The following TSPAN15 variants were observed in gnomAD, a reference collection of about 807,000 sequenced individuals.
The protein encoded by TSPAN15 is tetraspanin-15.
Under a neutral mutation model 34.5 loss-of-function variants are expected in TSPAN15, and 20 were observed. The observed-to-expected ratio is 0.58, with a 90% CI of 0.41 to 0.84. The LOEUF (loss-of-function observed/expected upper bound fraction) is 0.84, where lower values mean the gene tolerates loss of function less well. TSPAN15 is among the 40% of genes least tolerant of loss of function. TSPAN15 has a pLI of 0.00. For synonymous variants in TSPAN15, 155 were observed against 153.9 expected (o/e 1.01, Z -0.05); for missense variants, 313 against 386.1 (o/e 0.81, Z 1.59).
chr10:69,461,337 A>G (rs1841251760), intron 1 of TSPAN15, among the ~76,000 whole-genome samples: 1 of 152,170 alleles, frequency 6.6e-6, no homozygotes, highest in Non-Finnish European at 1.5e-5. Context: ...TCGCCAAGAC[A>G]TTTGCATCTG....
chr10:69,467,560 G>A (rs1189506582), intron 1 of TSPAN15, among the ~76,000 whole-genome samples: 1 of 152,018 alleles, frequency 6.6e-6, no homozygotes, highest in African/African-American at 2.4e-5. Flanking sequence ...GCTGCAGTGA[G>A]CTATGATCAC....
intron 1 of TSPAN15, among the ~76,000 whole-genome samples, chr10:69,455,148 C>CA (rs60463263): frequency 0.43 from 35,158 of 81,958 alleles, 6,314 homozygotes; most frequent in South Asian, 0.46. Context: ...GTGACAGTCT[C>CA]AAAAAAAAAA....
chr10:69,516,328 C>T, the TSPAN15 span, among the ~76,000 whole-genome samples: 2 of 152,220 alleles, frequency 1.3e-5, no homozygotes, highest in Admixed American at 1.3e-4. Flanking sequence ...GGATTTGAAC[C>T]ACTCTGCCTG....
rs1227963 is a variant in TSPAN15, at chr10:69,465,721, A to T, written c.96+14031A>T. Among the ~76,000 whole-genome samples the T allele has an allele frequency of 5.3e-5, 8 of 152,270 alleles. No individual in the cohort carries two copies. In the South Asian group the frequency reaches 1.7e-3, roughly 32 times the overall value. On this transcript the variant is annotated intron_variant, in intron 1 of 7. Coordinates refer to ENST00000373290, the MANE Select transcript of TSPAN15 (RefSeq NM_012339.5). The stretch of plus-strand genomic sequence containing the variant: ...GCCTCTCTCTCTCGGCAGACTTACC[A>T]GCTTCCTTCCTGGCCTAGATGTTTG...
chr10:69,486,872 C>T (rs147993437), intron 3 of TSPAN15, among the ~76,000 whole-genome samples: 1 of 152,378 alleles, frequency 6.6e-6, no homozygotes, highest in Non-Finnish European at 1.5e-5. Flanking sequence ...ATTCCATTTG[C>T]CCATGAGGCT....
At chr10:69,533,513 G>A in the TSPAN15 span, among the ~76,000 whole-genome samples, 1 of 152,152 alleles carries the variant, frequency 6.6e-6, no homozygotes, top group African/African-American at 2.4e-5. Flanking sequence ...GGTGGCTTGC[G>A]GGGAAGGGGG....
intron 1 of TSPAN15, among the ~76,000 whole-genome samples, chr10:69,470,936 G>A (rs1332697115): frequency 1.3e-5 from 2 of 152,078 alleles, no homozygotes; most frequent in East Asian, 3.9e-4. Flanking sequence ...CAAGGCCATG[G>A]TGCCTGCTTG....
At chr10:69,533,075 G>A in the TSPAN15 span, among the ~76,000 whole-genome samples, 1 of 152,188 alleles carries the variant, frequency 6.6e-6, no homozygotes, top group Non-Finnish European at 1.5e-5. Context: ...TCTACTGCTG[G>A]TGGGAATGTA....
At position 69,499,143 on chromosome 10, in the gene TSPAN15, G is replaced by T. The variant is rs1842150515; in HGVS notation, c.570+747G>T. ...AAAGGCTTCATCAGTCCTTGTGTTT[G>T]ACAAATGTGTCCAGAAACTGTTTCA... is the stretch of plus-strand genomic sequence containing the variant. On this transcript the variant is annotated intron_variant, in intron 5 of 7. Coordinates refer to ENST00000373290, the MANE Select transcript of TSPAN15 (RefSeq NM_012339.5). 2.6e-5 allele frequency among the ~76,000 whole-genome samples: 4 copies of T among 152,348 alleles called. No homozygotes were observed. The South Asian group carries it at 8.3e-4, about 32-fold the overall frequency.
chr10:69,507,695 G>C (rs1303316253), downstream of TSPAN15: 1 of 1,189,926 alleles, frequency 8.4e-7, no homozygotes, highest in Admixed American at 3.7e-5. Context: ...GTGCTGTTTT[G>C]TTGGGGCGGG....
chr10:69,494,202 G>A (rs1385890823), intron 3 of TSPAN15, among the ~76,000 whole-genome samples: 1 of 152,198 alleles, frequency 6.6e-6, no homozygotes, highest in African/African-American at 2.4e-5. Flanking sequence ...TGCCTCAGAG[G>A]CTGCCTCCAT....
intron 3 of TSPAN15, among the ~76,000 whole-genome samples, chr10:69,487,816 G>C (rs979675841): frequency 6.6e-6 from 1 of 152,146 alleles, no homozygotes; most frequent in African/African-American, 2.4e-5. Flanking sequence ...GTGGGCCTGA[G>C]GTCAGGCCTG....
chr10:69,495,502 G>C, intron 3 of TSPAN15, 92 bp from the exon 4 acceptor site: 1 of 918,202 alleles, frequency 1.1e-6, no homozygotes, highest in Non-Finnish European at 1.8e-6. Context: ...TTGGCACAAG[G>C]CATTCTCTAC....
At chr10:69,459,258 A>G (rs1456812623) in intron 1 of TSPAN15, among the ~76,000 whole-genome samples, 3 of 152,160 alleles carry the variant, frequency 2.0e-5, no homozygotes, top group African/African-American at 7.2e-5. Flanking sequence ...TCATTAAGTC[A>G]ACAAATAGTT....
At chr10:69,503,672 A>T (rs1308025701) in intron 5 of TSPAN15, among the ~76,000 whole-genome samples, 1 of 152,068 alleles carries the variant, frequency 6.6e-6, no homozygotes, top group Admixed American at 6.5e-5. Flanking sequence ...GGCAGCGTTC[A>T]CTTACATGTA....
chr10:69,467,672 AC>A (rs34870111), intron 1 of TSPAN15, among the ~76,000 whole-genome samples: 33,944 of 131,630 alleles, frequency 0.26, 4,467 homozygotes, highest in Non-Finnish European at 0.36. Flanking sequence ...ACACACACAC[AC>A]ACCTCTTCTT....
intron 1 of TSPAN15, among the ~76,000 whole-genome samples, chr10:69,455,116 A>G (rs1316183705): frequency 1.4e-5 from 2 of 146,484 alleles, no homozygotes; most frequent in African/African-American, 2.6e-5. Flanking sequence ...GAGCCTAGAT[A>G]GCGCCACTGC....
At chr10:69,496,366 AATAATG>A (rs1354855497) in intron 4 of TSPAN15, among the ~76,000 whole-genome samples, 2 of 143,352 alleles carry the variant, frequency 1.4e-5, no homozygotes, top group Non-Finnish European at 3.1e-5. Context: ...TAATAATAAT[AATAATG>A]GCAGTGGTAG....
the TSPAN15 span, among the ~76,000 whole-genome samples, chr10:69,538,140 A>T: frequency 1.3e-5 from 2 of 152,214 alleles, no homozygotes; most frequent in South Asian, 4.1e-4. Flanking sequence ...CAAAGGCCCC[A>T]TCACCAAATA....
Sources: allele counts gnomAD v4.1 joint callset (sites outside exome capture counted in the v4.1 genomes callset), GRCh38; gene constraint gnomAD v4.1.1; transcripts MANE v1.5; gene names NCBI Gene and HGNC (gene_info 2026-07-23, HGNC 2026-07-21).